The following CNTN5 variants were observed in gnomAD, a reference collection of about 807,000 sequenced individuals.
CNTN5 encodes the protein contactin 5.
CNTN5 carries 77 observed loss-of-function variants against 129.1 expected under a neutral mutation model. The observed-to-expected ratio is 0.60, with a 90% CI of 0.50 to 0.72. The LOEUF is 0.72. Among genes scored for constraint, CNTN5 ranks in the 30% least tolerant of loss-of-function variants. CNTN5 has a pLI of 0.00. For missense variants in CNTN5, 1,478 were observed against 1,328.8 expected (o/e 1.11, Z -1.75); for synonymous variants, 509 against 465.6 (o/e 1.09, Z -1.20).
chr11:99,453,007 A>G (rs969686313), intron 2 of CNTN5, among the ~76,000 whole-genome samples: 1 of 152,222 alleles, frequency 6.6e-6, no homozygotes, highest in African/African-American at 2.4e-5. Context: ...AAGTGGCAGC[A>G]CCTGGGTTCA....
chr11:100,007,451 T>C (rs74727446), intron 9 of CNTN5, among the ~76,000 whole-genome samples: 12,086 of 152,150 alleles, frequency 0.079, 693 homozygotes, highest in South Asian at 0.23. Context: ...TTATCTTAGA[T>C]AGATTTTCTG....
At chr11:99,758,051 A>C (rs1423074728) in intron 3 of CNTN5, among the ~76,000 whole-genome samples, 5 of 152,112 alleles carry the variant, frequency 3.3e-5, no homozygotes, top group Non-Finnish European at 5.9e-5. Flanking sequence ...TGGACAATTT[A>C]GTGAAAGTGT....
At chr11:99,801,491 G>T (rs575220487) in intron 3 of CNTN5, among the ~76,000 whole-genome samples, 1 of 152,196 alleles carries the variant, frequency 6.6e-6, no homozygotes, top group East Asian at 1.9e-4. Context: ...AAGACTATTA[G>T]CAACATTTTC....
chr11:99,532,007 C>T (rs1384476894), intron 2 of CNTN5, among the ~76,000 whole-genome samples: 1 of 152,126 alleles, frequency 6.6e-6, no homozygotes, highest in Non-Finnish European at 1.5e-5. Flanking sequence ...AAGAGGGCCA[C>T]TGTCCTCCAG....
intron 1 of CNTN5, among the ~76,000 whole-genome samples, chr11:99,055,050 C>G (rs934573794): frequency 6.6e-6 from 1 of 151,920 alleles, no homozygotes; most frequent in Admixed American, 6.6e-5. Flanking sequence ...TTTCTATGCC[C>G]TATTCCCAGA....
intron 1 of CNTN5, among the ~76,000 whole-genome samples, chr11:99,049,324 G>C (rs1380080334): frequency 6.6e-6 from 1 of 152,080 alleles, no homozygotes; most frequent in Non-Finnish European, 1.5e-5. Context: ...AAACAGAAAA[G>C]TAAATATACA....
chr11:99,505,585 A>T, intron 2 of CNTN5, among the ~76,000 whole-genome samples: 1 of 152,182 alleles, frequency 6.6e-6, no homozygotes, highest in East Asian at 1.9e-4. Flanking sequence ...ACACAAGATA[A>T]ATCCAGCCTT....
chr11:99,615,862 A>G (rs1187934830), intron 3 of CNTN5, among the ~76,000 whole-genome samples: 2 of 151,906 alleles, frequency 1.3e-5, no homozygotes, highest in Non-Finnish European at 2.9e-5. Flanking sequence ...CTTGCACTCA[A>G]GCGATCCTCC....
rs1052642179 is a variant in CNTN5, at chr11:100,162,470, G to C, written c.1581-28656G>C. On this transcript the variant is annotated intron_variant, in intron 13 of 24. Coordinates refer to ENST00000524871, the MANE Select transcript of CNTN5 (RefSeq NM_014361.4). ...TTGAAATGTTTACAAACAGAAACTA[G>C]CTGGCTTCATGAATGAAGGCGTACT... 2.0e-5 allele frequency among the ~76,000 whole-genome samples: 3 copies of C among 151,752 alleles called. No individual in the cohort carries two copies. In the East Asian group the frequency reaches 5.8e-4, roughly 29 times the overall value.
chr11:99,860,924 A>G (rs1948182767), intron 6 of CNTN5, among the ~76,000 whole-genome samples: 1 of 141,386 alleles, frequency 7.1e-6, no homozygotes, highest in South Asian at 2.3e-4. Context: ...TGATTCTTCT[A>G]TTCCATTAAC....
chr11:100,205,153 A>AT (rs1948887880), intron 15 of CNTN5, among the ~76,000 whole-genome samples: 1 of 151,952 alleles, frequency 6.6e-6, no homozygotes, highest in Non-Finnish European at 1.5e-5. Flanking sequence ...TCTCAAAGTG[A>AT]TTTTCAAAGA....
chr11:100,157,075 T>C (rs143985700), intron 13 of CNTN5, among the ~76,000 whole-genome samples: 2 of 152,182 alleles, frequency 1.3e-5, no homozygotes, highest in African/African-American at 4.8e-5. Flanking sequence ...GTTCTTTTAA[T>C]TGTGATATTA....
intron 1 of CNTN5, among the ~76,000 whole-genome samples, chr11:99,168,442 T>C (rs1247504642): frequency 2.6e-5 from 4 of 152,064 alleles, no homozygotes; most frequent in South Asian, 2.1e-4. Context: ...TAGCCAGGTA[T>C]GGAGGCATGC....
chr11:99,955,553 A>G lies in CNTN5; in HGVS notation c.674-1253A>G, dbSNP rs539979408. Among the ~76,000 whole-genome samples the G allele has an allele frequency of 3.3e-5, 5 of 152,012 alleles. No homozygotes were observed. The South Asian group carries it at 8.3e-4, about 25-fold the overall frequency. ...TTTCAAAATTCTCAGGCTTCTGCTA[A>G]ATATGTAATTTCCCCTTTTTTTTTG... On this transcript the variant is annotated intron_variant, in intron 7 of 24. Transcript: ENST00000524871.
intron 6 of CNTN5, among the ~76,000 whole-genome samples, chr11:99,877,876 A>G (rs1390302881): frequency 4.6e-5 from 7 of 152,264 alleles, no homozygotes; most frequent in African/African-American, 1.7e-4. Context: ...TTCACCATTC[A>G]CTATCAAAAG....
chr11:100,333,408 GAAAAAAAAAAAA>G (rs547220238), intron 21 of CNTN5, among the ~76,000 whole-genome samples: 4 of 74,274 alleles, frequency 5.4e-5, no homozygotes, highest in Non-Finnish European at 7.3e-5. Context: ...CACTGAATTA[GAAAAAAAAAAAA>G]AAAAAAAAAA....
At chr11:99,384,204 G>A (rs944805081) in intron 2 of CNTN5, among the ~76,000 whole-genome samples, 2 of 152,142 alleles carry the variant, frequency 1.3e-5, no homozygotes, top group South Asian at 2.1e-4. Context: ...TTTCAAGAGA[G>A]ACACTGTTTG....
chr11:99,701,890 A>G (rs1954537499), intron 3 of CNTN5, among the ~76,000 whole-genome samples: 1 of 150,844 alleles, frequency 6.6e-6, no homozygotes. Context: ...ATATTGAGCT[A>G]TTTTACTCCT....
intron 2 of CNTN5, among the ~76,000 whole-genome samples, chr11:99,372,971 G>A (rs574432661): frequency 1.8e-3 from 270 of 152,332 alleles, no homozygotes; most frequent in African/African-American, 6.2e-3. Context: ...CACTTTGGGA[G>A]GCCCAGGTGG....
Sources: allele counts gnomAD v4.1 joint callset (sites outside exome capture counted in the v4.1 genomes callset), GRCh38; gene constraint gnomAD v4.1.1; transcripts MANE v1.5; gene names NCBI Gene and HGNC (gene_info 2026-07-23, HGNC 2026-07-21).